Variants in SNX13 observed in about 807,000 individuals in gnomAD.
SNX13 encodes sorting nexin 13.
SNX13 carries 45 observed loss-of-function variants against 133.6 expected under a neutral mutation model. The ratio of observed to expected loss-of-function variants is 0.34; its 90% confidence interval spans 0.27 to 0.43. SNX13 has a LOEUF of 0.43. Ranked by LOEUF, SNX13 falls within the 20% of genes least tolerant of loss-of-function variation. The probability of loss-of-function intolerance (pLI) is 1.00; values close to 1 mark genes in which losing one functional copy is unlikely to be tolerated. For missense variants in SNX13, 1,032 were observed against 1,145.1 expected, an observed-to-expected ratio of 0.90 and a Z score of 1.43; for synonymous variants, 414 against 373.9, an observed-to-expected ratio of 1.11 and a Z score of -1.24.
chr7:17,804,211 A>C (rs1181418836), intron 20 of SNX13, among the ~76,000 whole-genome samples: 1 of 150,712 alleles, frequency 6.6e-6, no homozygotes, highest in East Asian at 1.9e-4. Context: ...ATTGTAAAAC[A>C]AAAAAAAATG....
At chr7:17,901,748 A>G (rs890781768) in intron 1 of SNX13, among the ~76,000 whole-genome samples, 52 of 152,324 alleles carry the variant, frequency 3.4e-4, no homozygotes, top group African/African-American at 1.0e-3. Flanking sequence ...CTCTTGCAGC[A>G]ATATGAAGTT....
intron 20 of SNX13, among the ~76,000 whole-genome samples, chr7:17,809,200 T>A (rs2128293620): frequency 1.4e-5 from 2 of 145,392 alleles, no homozygotes; most frequent in African/African-American, 5.2e-5. Context: ...AGTGCTGTAT[T>A]CAGGAGACCC....
intron 18 of SNX13, among the ~76,000 whole-genome samples, chr7:17,818,798 C>G (rs1786960039): frequency 6.6e-6 from 1 of 152,132 alleles, no homozygotes; most frequent in African/African-American, 2.4e-5. Flanking sequence ...TCCTAATACA[C>G]TCCTGGAAAA....
At chr7:17,834,266 C>G in intron 14 of SNX13, 82 bp from the exon 15 acceptor site, 1 of 1,233,004 alleles carries the variant, frequency 8.1e-7, no homozygotes, top group Non-Finnish European at 1.1e-6. Context: ...CCAAAAGACA[C>G]ACTGAGGTCT....
chr7:17,803,179 T>C (rs772853101), intron 21 of SNX13, among the ~76,000 whole-genome samples: 2 of 152,236 alleles, frequency 1.3e-5, no homozygotes, highest in Admixed American at 6.5e-5. Flanking sequence ...TTTCAGTTTT[T>C]GTTTTAAATG....
intron 1 of SNX13, among the ~76,000 whole-genome samples, chr7:17,908,694 G>A (rs1194240639): frequency 2.0e-5 from 3 of 152,136 alleles, no homozygotes; most frequent in African/African-American, 7.2e-5. Flanking sequence ...GGATAGTAAG[G>A]TTCTGCAATT....
chr7:17,805,848 C>G, intron 20 of SNX13, among the ~76,000 whole-genome samples: 1 of 151,930 alleles, frequency 6.6e-6, no homozygotes, highest in Non-Finnish European at 1.5e-5. Context: ...AAAGGTAAAG[C>G]CCAAGCATTT....
chr7:17,924,119 A>C (rs1800450096), intron 1 of SNX13, among the ~76,000 whole-genome samples: 1 of 152,220 alleles, frequency 6.6e-6, no homozygotes, highest in East Asian at 1.9e-4. Flanking sequence ...AAAAGCAACA[A>C]GGTAAACATA....
chr7:17,916,844 G>A (rs994848957), intron 1 of SNX13, among the ~76,000 whole-genome samples: 3 of 152,002 alleles, frequency 2.0e-5, no homozygotes, highest in African/African-American at 7.2e-5. Context: ...ACCAATTTCT[G>A]GCAAAGACAC....
At chr7:17,796,114 G>T (rs2128282328) in intron 25 of SNX13, 1 of 151,472 alleles carries the variant, frequency 6.6e-6, no homozygotes, top group African/African-American at 2.4e-5. Context: ...ATTAACAAGG[G>T]GCAAAACAAC....
intron 1 of SNX13, among the ~76,000 whole-genome samples, chr7:17,911,326 C>G (rs148042101): frequency 6.6e-6 from 1 of 152,218 alleles, no homozygotes; most frequent in East Asian, 1.9e-4. Flanking sequence ...AACAGTTTTT[C>G]AGGAAAGTCA....
At chr7:17,847,098 G>A (rs1790635547) in intron 11 of SNX13, among the ~76,000 whole-genome samples, 1 of 152,094 alleles carries the variant, frequency 6.6e-6, no homozygotes, top group African/African-American at 2.4e-5. Context: ...GAGTAATGAC[G>A]CTGAAAGATC....
In SNX13 at chr7:17,875,579, T is replaced by G. The variant is rs1480473194; in HGVS notation, c.565A>C (p.Thr189Pro). ...ITEKDDQVKG[T>P]AEDLVDTFFE... is the part of the protein sequence containing the mutation. ...AAGGTATCTACAAGATCTTCTGCTGTACCTAAAGAAAAACAATTCAAGATA... is the reference window on the plus strand; with the variant it reads ...AAGGTATCTACAAGATCTTCTGCTGGACCTAAAGAAAAACAATTCAAGATA... The change falls in exon 7 of 26, where the codon ACA (threonine) becomes CCA (proline). Residue 189 changes from threonine to proline, a missense_variant and splice_region_variant. Transcript: ENST00000428135. 4 of 1,610,664 alleles carry G rather than the reference T, an allele frequency of 2.5e-6. No homozygotes were observed. The Admixed American group carries it at 6.7e-5, about 27-fold the overall frequency.
At chr7:17,831,180 T>C (rs1788443078) in intron 15 of SNX13, 1 of 983,890 alleles carries the variant, frequency 1.0e-6, no homozygotes, top group African/African-American at 1.8e-5. Context: ...TGATCAACAA[T>C]AAGAAGATCC....
chr7:17,832,808 GATAA>G (rs1183445096), intron 15 of SNX13, among the ~76,000 whole-genome samples: 1 of 151,330 alleles, frequency 6.6e-6, no homozygotes, highest in Non-Finnish European at 1.5e-5. Context: ...CAAGGCATCA[GATAA>G]ATAATCAAAG....
intron 8 of SNX13, among the ~76,000 whole-genome samples, chr7:17,871,661 T>C (rs1015101577): frequency 1.3e-5 from 2 of 152,184 alleles, no homozygotes; most frequent in Non-Finnish European, 2.9e-5. Flanking sequence ...GATGTTTCCT[T>C]TTAGTAATTT....
chr7:17,893,525 G>A (rs1294905277), intron 2 of SNX13, 91 bp from the exon 3 acceptor site: 1 of 795,050 alleles, frequency 1.3e-6, no homozygotes, highest in Non-Finnish European at 2.0e-6. Flanking sequence ...AGAGTTCACA[G>A]ATGGCTTATC....
chr7:17,793,866 G>T lies in SNX13; in HGVS notation c.*179C>A. On this transcript the variant is annotated 3_prime_UTR_variant, in exon 26 of 26. Coordinates refer to ENST00000428135, the MANE Select transcript of SNX13 (RefSeq NM_015132.5). Reference sequence around the variant, plus strand: ...CATTTAAGACACAGAAATCTCTCTTGGTAGTGGTGGATTATAGATGAGAAT... The same window carrying T: ...CATTTAAGACACAGAAATCTCTCTTTGTAGTGGTGGATTATAGATGAGAAT... 1.6e-6 allele frequency: 1 copy of T among 622,536 alleles called. No individual in the cohort carries two copies. The highest frequency in any genetic ancestry group is 2.6e-6 in the Non-Finnish European group (1 of 390,836). 38.6% of individuals were successfully genotyped at this position (622,536 alleles called of 1,614,324 possible).
At chr7:17,852,803 A>G (rs1791392880) in intron 9 of SNX13, among the ~76,000 whole-genome samples, 1 of 152,234 alleles carries the variant, frequency 6.6e-6, no homozygotes, top group Non-Finnish European at 1.5e-5. Context: ...ATTGTCTAGA[A>G]GGAGTTGGTT....
Sources: allele counts gnomAD v4.1 joint callset (sites outside exome capture counted in the v4.1 genomes callset), GRCh38; gene constraint gnomAD v4.1.1; transcripts MANE v1.5; gene names NCBI Gene and HGNC (gene_info 2026-07-23, HGNC 2026-07-21).